FHDC1: variants seen among roughly 807,000 people sequenced by gnomAD.
FHDC1 encodes FH2 domain containing 1.
Under a neutral mutation model 52.6 loss-of-function variants are expected in FHDC1, and 25 were observed. The observed-to-expected ratio is 0.48, with a 90% CI of 0.35 to 0.66. The LOEUF (loss-of-function observed/expected upper bound fraction) is 0.66. Among genes scored for constraint, FHDC1 ranks in the 30% least tolerant of loss-of-function variants. The pLI, the probability that FHDC1 is intolerant of heterozygous loss-of-function variation, is 0.01. For missense variants in FHDC1, 1,459 were observed against 1,452.8 expected (o/e 1.00, Z -0.07); for synonymous variants, 616 against 581.5 (o/e 1.06, Z -0.85).
At chr4:152,954,101 G>T in intron 3 of FHDC1, 116 bp from the exon 4 acceptor site, 1 of 827,626 alleles carries the variant, frequency 1.2e-6, no homozygotes, top group South Asian at 1.7e-5. Flanking sequence ...CTGCCAGCCA[G>T]TCTGGGAAGG....
At chr4:152,970,533 G>A (rs1012241853) in intron 10 of FHDC1, among the ~76,000 whole-genome samples, 2 of 152,186 alleles carry the variant, frequency 1.3e-5, no homozygotes, top group African/African-American at 2.4e-5. Flanking sequence ...CATACGAGGT[G>A]GAGCTGAGCT....
chr4:152,973,600 C>T (rs1377888627), intron 11 of FHDC1, among the ~76,000 whole-genome samples: 3 of 152,198 alleles, frequency 2.0e-5, no homozygotes, highest in South Asian at 2.1e-4. Flanking sequence ...CCCACCACCA[C>T]CACAGGCAAT....
At chr4:152,963,765 C>CTTTTTTTTT (rs1561211172) in intron 8 of FHDC1, among the ~76,000 whole-genome samples, 1 of 50,874 alleles carries the variant, frequency 2.0e-5, no homozygotes, top group African/African-American at 7.1e-5. Context: ...CTATCCATTG[C>CTTTTTTTTT]TTTGTTTTTT....
At chr4:152,956,633 C>G (rs1037947010) in intron 4 of FHDC1, among the ~76,000 whole-genome samples, 2 of 152,080 alleles carry the variant, frequency 1.3e-5, no homozygotes, top group Non-Finnish European at 2.9e-5. Flanking sequence ...ACTCTGTCAC[C>G]CCCAGTTAGC....
intron 10 of FHDC1, 64 bp from the exon 11 acceptor site, chr4:152,972,313 A>G (rs901990460): frequency 1.4e-6 from 2 of 1,467,528 alleles, no homozygotes; most frequent in Non-Finnish European, 1.8e-6. Context: ...CACCGGATGC[A>G]GTGCCCAGCG....
Position 152,953,576 on chromosome 4 carries a change from C to T in FHDC1, c.560+16C>T. 6.2e-7 allele frequency: 1 copy of T among 1,605,440 alleles called. No homozygotes were observed. The stretch of plus-strand genomic sequence containing the variant: ...AATTTAAGAAGTAAGATTTTGCACA[C>T]ATTTGAAACTTTAGTCATATCCCTG... On this transcript the variant is annotated intron_variant, in intron 3 of 11. Transcript: ENST00000511601.
At chr4:152,959,719 T>C (rs1740215724) in intron 4 of FHDC1, among the ~76,000 whole-genome samples, 1 of 152,162 alleles carries the variant, frequency 6.6e-6, no homozygotes, top group Non-Finnish European at 1.5e-5. Context: ...TTTTCATCTT[T>C]TTCCTGTGTA....
chr4:152,965,219 T>C (rs1056607781), intron 9 of FHDC1, among the ~76,000 whole-genome samples: 19 of 152,162 alleles, frequency 1.2e-4, no homozygotes, highest in Non-Finnish European at 2.2e-4. Context: ...ATCATCAGTA[T>C]AAAAAATATG....
At chr4:152,928,143 C>T in the FHDC1 span, 1 of 853,052 alleles carries the variant, frequency 1.2e-6, no homozygotes, top group Admixed American at 1.7e-5. Flanking sequence ...AGTGAAGGCA[C>T]CATCAATGCC....
chr4:152,937,379 C>T (rs1739416050), intron 1 of FHDC1, among the ~76,000 whole-genome samples: 1 of 152,142 alleles, frequency 6.6e-6, no homozygotes, highest in Admixed American at 6.5e-5. Context: ...CGTCTCCCAC[C>T]CAACTTCTGG....
the FHDC1 span, among the ~76,000 whole-genome samples, chr4:152,918,784 T>G: frequency 6.6e-6 from 1 of 152,258 alleles, no homozygotes; most frequent in Non-Finnish European, 1.5e-5. Context: ...CCTAAAATCT[T>G]ATGATACCTG....
chr4:152,963,728 TGCTAGC>T (rs2149953845), intron 8 of FHDC1, among the ~76,000 whole-genome samples: 1 of 145,636 alleles, frequency 6.9e-6, no homozygotes, highest in South Asian at 2.3e-4. Flanking sequence ...AGCACCATGC[TGCTAGC>T]ACAGGGTTTG....
chr4:152,952,701 TCG>T (rs1279573906), intron 2 of FHDC1, among the ~76,000 whole-genome samples: 1 of 152,178 alleles, frequency 6.6e-6, no homozygotes, highest in Non-Finnish European at 1.5e-5. Flanking sequence ...GACTTGAGCA[TCG>T]TTAGATTTTG....
chr4:152,967,438 A>G (rs77477556), intron 9 of FHDC1, among the ~76,000 whole-genome samples: 1 of 152,112 alleles, frequency 6.6e-6, no homozygotes, highest in Non-Finnish European at 1.5e-5. Flanking sequence ...AAAAAAAAAA[A>G]GTTGCACATT....
rs570503912 is a variant in FHDC1, at chr4:152,951,555, T to C, written c.499-1944T>C. Among the ~76,000 whole-genome samples the C allele has an allele frequency of 2.4e-3, 359 of 152,262 alleles. 2 individuals are homozygous for C. The highest frequency in any genetic ancestry group is 8.4e-3 in the African/African-American group (351 of 41,550). On this transcript the variant is annotated intron_variant, in intron 2 of 11. Coordinates refer to ENST00000511601, the MANE Select transcript of FHDC1 (RefSeq NM_001371116.1). ...TCTTCAAAAGAAGGCAACCATACTCTTGTAAAAATTTAACCTTATAGCCAG... is the reference window on the plus strand; with the variant it reads ...TCTTCAAAAGAAGGCAACCATACTCCTGTAAAAATTTAACCTTATAGCCAG...
At position 152,976,593 on chromosome 4, in the gene FHDC1, C is replaced by G; in HGVS notation, c.3302C>G (p.Ser1101Cys). 1.2e-6 allele frequency: 2 copies of G among 1,612,202 alleles called. No homozygotes were observed. The highest frequency in any genetic ancestry group is 1.3e-5 in the African/African-American group (1 of 75,034). Residue 1101 changes from serine to cysteine, a missense_variant, in exon 12 of 12, where the codon TCT becomes TGT. This residue lies in a region of FHDC1 where 939 missense variants were observed against 854.5 expected (regional missense o/e 1.10). Coordinates refer to ENST00000511601, the MANE Select transcript of FHDC1 (RefSeq NM_001371116.1). ...SARAPKKRPE[S>C]AEGPSANTEA... is the part of the protein sequence containing the mutation. ...CGGGCCCCCAAGAAGCGCCCAGAGT[C>G]TGCGGAGGGTCCCAGTGCCAACACG...
intron 4 of FHDC1, among the ~76,000 whole-genome samples, chr4:152,960,143 A>G (rs1740232998): frequency 6.6e-6 from 1 of 152,188 alleles, no homozygotes; most frequent in Non-Finnish European, 1.5e-5. Flanking sequence ...TTTTCCGTTT[A>G]TGACTTAAAG....
chr4:152,950,469 G>C, intron 2 of FHDC1, among the ~76,000 whole-genome samples: 1 of 152,188 alleles, frequency 6.6e-6, no homozygotes, highest in South Asian at 2.1e-4. Flanking sequence ...TGTTTTTCCT[G>C]TAAGGTGCTC....
At chr4:152,950,876 AG>A (rs145585835) in intron 2 of FHDC1, among the ~76,000 whole-genome samples, 2,390 of 152,366 alleles carry the variant, frequency 0.016, 65 homozygotes, top group African/African-American at 0.055. Context: ...AGAGAGAACC[AG>A]GCTAACCTAT....
Sources: allele counts gnomAD v4.1 joint callset (sites outside exome capture counted in the v4.1 genomes callset), GRCh38; gene constraint gnomAD v4.1.1; regional missense constraint gnomAD v4.1.1; transcripts MANE v1.5; gene names NCBI Gene and HGNC (gene_info 2026-07-23, HGNC 2026-07-21).